The following WDTC1 variants were observed in gnomAD, a reference collection of about 807,000 sequenced individuals.
WDTC1 encodes WD and tetratricopeptide repeats protein 1.
Under a neutral mutation model 76.0 loss-of-function variants are expected in WDTC1, and 12 were observed. The observed-to-expected ratio is 0.16, with a 90% confidence interval of 0.10 to 0.26. The LOEUF (loss-of-function observed/expected upper bound fraction) is 0.26, where lower values mean the gene tolerates loss of function less well. Among genes scored for constraint, WDTC1 ranks in the 10% least tolerant of loss-of-function variants. WDTC1 has a pLI of 1.00. For synonymous variants in WDTC1, 326 were observed against 350.8 expected, an observed-to-expected ratio of 0.93 and a Z score of 0.79; for missense variants, 511 against 908.8, an observed-to-expected ratio of 0.56 and a Z score of 5.63.
intron 13 of WDTC1, among the ~76,000 whole-genome samples, chr1:27,302,349 G>T (rs554797616): frequency 4.6e-5 from 7 of 152,080 alleles, no homozygotes; most frequent in Non-Finnish European, 8.8e-5. Context: ...ATGCTGGGAG[G>T]GGGTGGGCTT....
intron 3 of WDTC1, among the ~76,000 whole-genome samples, chr1:27,279,015 T>C (rs1445259097): frequency 6.6e-6 from 1 of 152,182 alleles, no homozygotes; most frequent in Non-Finnish European, 1.5e-5. Flanking sequence ...TGAGCTGAGA[T>C]TGCGCCACTG....
chr1:27,306,267 T>C lies in WDTC1; in HGVS notation c.1918T>C (p.Leu640=). The change falls in exon 16 of 16, where the codon TTG becomes CTG. Residue 640 remains leucine (L), a synonymous_variant. Transcript: ENST00000319394. This position sits in a 1 kb window ranked among gnomAD's most constrained non-coding sequence, Gnocchi z 5.0. ...ANQRRMNADP[L]EVMLLNMGYR... Reference sequence around the variant, plus strand: ...CCAGCGGCGCATGAATGCAGACCCGTTGGAGGTGATGCTGCTCAACATGGG... The same window carrying C: ...CCAGCGGCGCATGAATGCAGACCCGCTGGAGGTGATGCTGCTCAACATGGG... 1 of 1,613,972 alleles carries C rather than the reference T, an allele frequency of 6.2e-7. No individual in the cohort carries two copies. The highest frequency in any genetic ancestry group is 8.5e-7 in the Non-Finnish European group (1 of 1,179,978).
intron 3 of WDTC1, among the ~76,000 whole-genome samples, chr1:27,281,142 G>A (rs1296972645): frequency 6.6e-6 from 1 of 151,974 alleles, no homozygotes; most frequent in Non-Finnish European, 1.5e-5. Context: ...ACAGTACCTG[G>A]CATGCAGTAG....
At chr1:27,267,383 T>TTACA (rs1468861422) in intron 3 of WDTC1, among the ~76,000 whole-genome samples, 5 of 152,076 alleles carry the variant, frequency 3.3e-5, no homozygotes, top group African/African-American at 1.2e-4. Flanking sequence ...GTAGCTGGGA[T>TTACA]TACAGGCGTG....
At chr1:27,287,568 C>T (rs534437452) in intron 5 of WDTC1, 106 bp from the exon 6 acceptor site, 1 of 1,310,924 alleles carries the variant, frequency 7.6e-7, no homozygotes, top group Non-Finnish European at 1.0e-6. Context: ...GGCTCATTCT[C>T]TTATCTGACA....
At chr1:27,241,952 T>C (rs2147900550) in intron 1 of WDTC1, among the ~76,000 whole-genome samples, 1 of 151,606 alleles carries the variant, frequency 6.6e-6, no homozygotes, top group Non-Finnish European at 1.5e-5. Flanking sequence ...AGTGCAGTGG[T>C]GCAATCTTGG....
intron 14 of WDTC1, chr1:27,304,249 T>G: frequency 5.9e-6 from 1 of 170,134 alleles, no homozygotes; most frequent in Non-Finnish European, 1.2e-5. Context: ...TCAGACACCA[T>G]CATCCCCACC....
At chr1:27,296,907 T>C in intron 10 of WDTC1, 141 bp from the exon 11 acceptor site, 1 of 737,420 alleles carries the variant, frequency 1.4e-6, no homozygotes, top group Non-Finnish European at 2.3e-6. Flanking sequence ...CAGAACTTGC[T>C]TTCTGGGAAT....
intron 1 of WDTC1, among the ~76,000 whole-genome samples, chr1:27,249,586 AC>A (rs2011967047): frequency 6.6e-6 from 1 of 151,588 alleles, no homozygotes; most frequent in Admixed American, 6.6e-5. Flanking sequence ...GCTGCTCTAA[AC>A]TTTTTTTTTT....
At chr1:27,277,863 C>CA (rs1314107468) in intron 3 of WDTC1, among the ~76,000 whole-genome samples, 2 of 152,020 alleles carry the variant, frequency 1.3e-5, no homozygotes, top group Non-Finnish European at 2.9e-5. Flanking sequence ...TTTTTTGAGA[C>CA]AGAGTCTCAC....
intron 6 of WDTC1, among the ~76,000 whole-genome samples, chr1:27,291,490 G>A (rs557797627): frequency 2.0e-5 from 3 of 152,300 alleles, no homozygotes; most frequent in South Asian, 2.1e-4. Flanking sequence ...GGCAAGAGGG[G>A]AGAGCATATA....
At chr1:27,290,336 G>A (rs1250844221) in intron 6 of WDTC1, among the ~76,000 whole-genome samples, 2 of 151,982 alleles carry the variant, frequency 1.3e-5, no homozygotes, top group Admixed American at 6.6e-5. Flanking sequence ...CTCCCACCTC[G>A]GCCTCCCACA....
rs1354217564 is a variant in WDTC1, at chr1:27,292,271, A to G, written c.536A>G (p.Glu179Gly). The G allele has an allele frequency of 3.1e-6, 5 of 1,612,780 alleles. No individual in the cohort carries two copies. The highest frequency in any genetic ancestry group is 4.2e-6 in the Non-Finnish European group (5 of 1,179,368). Residue 179 changes from glutamate to glycine, a missense_variant, in exon 7 of 16, where the codon GAG becomes GGG. Glu to Gly is a moderately conservative substitution (Grantham distance 98). Transcript: ENST00000319394. The part of the protein sequence containing the change: ...KHSEVLIDLT[E>G]YCGQLVEAKC... ...TCGGAGGTGCTGATTGACCTGACAG[A>G]GTACTGTGGCCAGCTGGTGGAGGCC...
At chr1:27,258,282 C>G (rs1228148509) in intron 1 of WDTC1, among the ~76,000 whole-genome samples, 1 of 151,426 alleles carries the variant, frequency 6.6e-6, no homozygotes, top group African/African-American at 2.4e-5. Context: ...CCTGTAATCC[C>G]AGCACTTTGG....
chr1:27,234,498 G>C (rs1376353339), upstream of WDTC1: 1 of 338,532 alleles, frequency 3.0e-6, no homozygotes, highest in Non-Finnish European at 5.3e-6. Context: ...AGCAGACGTT[G>C]ACCGGGCGCG....
intron 3 of WDTC1, among the ~76,000 whole-genome samples, chr1:27,269,927 TGTTG>T (rs930938165): frequency 1.7e-4 from 26 of 150,686 alleles, no homozygotes; most frequent in African/African-American, 6.1e-4. Context: ...TTGTTGTTGT[TGTTG>T]TTGTTGTTGT....
chr1:27,272,401 T>A (rs946435385), intron 3 of WDTC1, among the ~76,000 whole-genome samples: 2 of 152,230 alleles, frequency 1.3e-5, no homozygotes, highest in African/African-American at 4.8e-5. Flanking sequence ...AGCCAATTTT[T>A]AAACATGATA....
chr1:27,244,209 G>T (rs1031135099), intron 1 of WDTC1, among the ~76,000 whole-genome samples: 1 of 151,206 alleles, frequency 6.6e-6, no homozygotes, highest in Non-Finnish European at 1.5e-5. Context: ...GTATAGAAAA[G>T]AAAAAAAAAT....
At chr1:27,263,061 G>T in intron 2 of WDTC1, 91 bp from the exon 3 acceptor site, 1 of 1,353,362 alleles carries the variant, frequency 7.4e-7, no homozygotes. Flanking sequence ...AGCTCCTGTG[G>T]TGCCCAGGAA....
Sources: allele counts gnomAD v4.1 joint callset (sites outside exome capture counted in the v4.1 genomes callset), GRCh38; gene constraint gnomAD v4.1.1; non-coding constraint Gnocchi (gnomAD v3.1); transcripts MANE v1.5; gene names NCBI Gene and HGNC (gene_info 2026-07-23, HGNC 2026-07-21).